CLCN7: variants seen among roughly 807,000 people sequenced by gnomAD.
CLCN7 encodes the protein H(+)/Cl(-) exchange transporter 7.
Under a neutral mutation model 102.1 loss-of-function variants are expected in CLCN7, and 60 were observed. The observed-to-expected ratio is 0.59, with a 90% CI of 0.48 to 0.73. CLCN7 has a LOEUF of 0.73. Among genes scored for constraint, CLCN7 ranks in the 30% least tolerant of loss-of-function variants. CLCN7 has a pLI of 0.00. For synonymous variants in CLCN7, 560 were observed against 490.5 expected (o/e 1.14, Z -1.87); for missense variants, 962 against 1,125.7 (o/e 0.85, Z 2.08).
intron 1 of CLCN7, among the ~76,000 whole-genome samples, chr16:1,471,156 G>C (rs1329805685): frequency 6.6e-6 from 1 of 152,138 alleles, no homozygotes; most frequent in Non-Finnish European, 1.5e-5. Context: ...TGAAGGGCCT[G>C]GGCTTTCAGC....
chr16:1,451,551 G>C, intron 16 of CLCN7, 72 bp downstream of exon 16: 1 of 1,340,312 alleles, frequency 7.5e-7, no homozygotes, highest in South Asian at 1.2e-5. Context: ...CAGCCCACAG[G>C]GGACACTCAG....
rs1424297529 is a variant in CLCN7 at position 1,474,985 on chromosome 16, G to A, written c.-11C>T. 6.8e-7 allele frequency: 1 copy of A among 1,472,522 alleles called. No homozygotes were observed. The highest frequency in any genetic ancestry group is 2.2e-5 in the Admixed American group (1 of 45,482). The allele number at this position is 1,472,522 out of a possible 1,614,324, so 91.2% of individuals were successfully genotyped here. ...AGAGACGTTGGCCATGGCCCGCCGC[G>A]GAGCGACACCGGCCGGGAAGCGCCG... On this transcript the variant is annotated 5_prime_UTR_variant, in exon 1 of 25. Coordinates refer to ENST00000382745, the MANE Select transcript of CLCN7 (RefSeq NM_001287.6).
At chr16:1,449,457 A>G in intron 17 of CLCN7, 130 bp from the exon 18 acceptor site, 3 of 805,326 alleles carry the variant, frequency 3.7e-6, no homozygotes, top group South Asian at 3.1e-5. Flanking sequence ...GGCCGCGTAC[A>G]TACACACAGA....
At chr16:1,455,294 C>G (rs1275040134) in intron 11 of CLCN7, 44 bp from the exon 12 acceptor site, 4 of 1,248,640 alleles carry the variant, frequency 3.2e-6, no homozygotes, top group Non-Finnish European at 4.7e-6. Context: ...AGCCACGCTC[C>G]CAGCCCAGGG....
intron 1 of CLCN7, chr16:1,474,100 T>C: frequency 2.2e-6 from 1 of 445,234 alleles, no homozygotes; most frequent in Admixed American, 2.5e-5. Flanking sequence ...AAAAAAAATA[T>C]TAAGACAATA....
intron 14 of CLCN7, among the ~76,000 whole-genome samples, 171 bp from the exon 15 acceptor site, chr16:1,453,064 G>A (rs1386115496): frequency 6.6e-6 from 1 of 152,318 alleles, no homozygotes; most frequent in East Asian, 1.9e-4. Context: ...CTGGAGTGCA[G>A]TGCTGCGATC....
At position 1,452,762 on chromosome 16, in the gene CLCN7, G is replaced by A. The variant is rs750628872; in HGVS notation, c.1346C>T (p.Pro449Leu). The A allele has an allele frequency of 6.2e-6, 10 of 1,600,118 alleles. No individual in the cohort carries two copies. The highest frequency in any genetic ancestry group is 2.2e-5 in the South Asian group (2 of 89,162). ...QPLQGGSMSY[P>L]LQLFCADGEY... The stretch of plus-strand genomic sequence containing the variant: ...CCGGGCCCAGCCTCCCACCTGCAGC[G>A]GGTAGGACATGGAGCCCCCCTGCAG... The change falls in exon 15 of 25, where the codon CCG (proline) becomes CTG (leucine). Residue 449 changes from proline (P) to leucine (L), a missense_variant. Physicochemically the swap from Pro to Leu is moderately conservative, Grantham distance 98. Coordinates refer to ENST00000382745, the MANE Select transcript of CLCN7 (RefSeq NM_001287.6).
rs942126224 is a variant in CLCN7, at chr16:1,472,181, C to T, written c.141+2653G>A. On this transcript the variant is annotated intron_variant, in intron 1 of 24. Coordinates refer to ENST00000382745, the MANE Select transcript of CLCN7 (RefSeq NM_001287.6). ...TTAAATTGCTTGTAAGCAGAGTATCCGCTGTTATTAAATGCAAACAAACAA... is the reference window on the plus strand; with the variant it reads ...TTAAATTGCTTGTAAGCAGAGTATCTGCTGTTATTAAATGCAAACAAACAA... Among the ~76,000 whole-genome samples, 8 of 152,326 alleles carry T rather than the reference C, an allele frequency of 5.3e-5. No homozygotes were observed. The South Asian group carries it at 8.3e-4, about 16-fold the overall frequency.
chr16:1,460,277 T>C, intron 6 of CLCN7, 141 bp downstream of exon 6: 2 of 693,606 alleles, frequency 2.9e-6, no homozygotes, highest in Middle Eastern at 3.6e-4. Flanking sequence ...GTTGTGAGTC[T>C]GGACCACGTG....
chr16:1,458,872 C>T (rs2038880549), intron 7 of CLCN7, among the ~76,000 whole-genome samples: 1 of 152,234 alleles, frequency 6.6e-6, no homozygotes, highest in African/African-American at 2.4e-5. Context: ...ACCACGCAAG[C>T]ATTTCTGTAT....
rs779726311 is a variant in CLCN7 at position 1,446,353 on chromosome 16, C to T, written c.*278G>A. The T allele has an allele frequency of 7.1e-6, 5 of 702,220 alleles. No homozygotes were observed. The highest frequency in any genetic ancestry group is 6.0e-5 in the Admixed American group (3 of 50,006). 43.5% of individuals were successfully genotyped at this position (702,220 alleles called of 1,614,324 possible). On this transcript the variant is annotated 3_prime_UTR_variant, in exon 25 of 25. Transcript: ENST00000382745. Reference sequence around the variant, plus strand: ...CCGATAGCCCGGTAGGGAGGTCACACACACACAGCTGATCCCTGGAGGTAA... The same window carrying T: ...CCGATAGCCCGGTAGGGAGGTCACATACACACAGCTGATCCCTGGAGGTAA...
intron 22 of CLCN7, 40 bp from the exon 23 acceptor site, chr16:1,447,608 A>G: frequency 6.4e-7 from 1 of 1,551,314 alleles, no homozygotes; most frequent in East Asian, 2.4e-5. Context: ...CCCAGGCAGC[A>G]CCCCCGGGGC....
rs530533159 is a variant in CLCN7, at chr16:1,452,523, G to A, written c.1353+232C>T. 4.7e-5 allele frequency: 27 copies of A among 574,484 alleles called. No individual in the cohort carries two copies. In the Middle Eastern group the frequency reaches 2.8e-3, roughly 60 times the overall value. The allele number at this position is 574,484 out of a possible 1,614,324, so 35.6% of individuals were successfully genotyped here. ...GGCTGCCATTCTGGGAAGAGGACTG[G>A]GGGGAGCCTCTGGCCCCCATACCAC... On this transcript the variant is annotated intron_variant, in intron 15 of 24. Coordinates refer to ENST00000382745, the MANE Select transcript of CLCN7 (RefSeq NM_001287.6).
chr16:1,471,869 T>A (rs1596231928), intron 1 of CLCN7: 1 of 152,302 alleles, frequency 6.6e-6, no homozygotes, highest in East Asian at 1.9e-4. Flanking sequence ...TAGCTTCCCA[T>A]GGGCTCCCCT....
At chr16:1,473,692 C>T (rs1596233139) in intron 1 of CLCN7, among the ~76,000 whole-genome samples, 1 of 151,950 alleles carries the variant, frequency 6.6e-6, no homozygotes, top group East Asian at 2.0e-4. Flanking sequence ...AATCTTTAAG[C>T]ACAAGACAAG....
chr16:1,447,263 T>C, intron 23 of CLCN7, 129 bp downstream of exon 23: 2 of 1,207,366 alleles, frequency 1.7e-6, no homozygotes, highest in Non-Finnish European at 2.3e-6. Context: ...GCCAGGCCCT[T>C]CACAGGAGAC....
intron 12 of CLCN7, 110 bp downstream of exon 12, chr16:1,455,024 A>G: frequency 1.3e-6 from 1 of 764,910 alleles, no homozygotes. Flanking sequence ...TCAGCTCCAC[A>G]GCTATCAACC....
chr16:1,464,629 T>C (rs575241832), intron 2 of CLCN7, among the ~76,000 whole-genome samples: 2 of 152,350 alleles, frequency 1.3e-5, no homozygotes, highest in South Asian at 2.1e-4. Flanking sequence ...CCTCAGCCTC[T>C]GACGTGGCCC....
Position 1,457,116 on chromosome 16 carries a change from G to T in CLCN7, c.822+138C>A, listed in dbSNP as rs2038846745. 3.7e-6 allele frequency: 3 copies of T among 817,946 alleles called. No homozygotes were observed. The highest frequency in any genetic ancestry group is 6.2e-6 in the Non-Finnish European group (3 of 481,970). The allele number at this position is 817,946 out of a possible 1,614,324, so 50.7% of individuals were successfully genotyped here. A position where few individuals can be genotyped will look rare whatever the true frequency, so the allele number is the denominator to read the frequency against. On this transcript the variant is annotated intron_variant, in intron 9 of 24. Coordinates refer to ENST00000382745, the MANE Select transcript of CLCN7 (RefSeq NM_001287.6). The surrounding 1 kb of genome is among the most constrained non-coding windows in gnomAD (Gnocchi z 5.4). Reference sequence around the variant, plus strand: ...GCAGGGACTGTGCCCGCTGGCTCTGGGAGCCACCCGCCAGGCTGTCCTCAG... The same window carrying T: ...GCAGGGACTGTGCCCGCTGGCTCTGTGAGCCACCCGCCAGGCTGTCCTCAG...
Sources: allele counts gnomAD v4.1 joint callset (sites outside exome capture counted in the v4.1 genomes callset), GRCh38; gene constraint gnomAD v4.1.1; non-coding constraint Gnocchi (gnomAD v3.1); transcripts MANE v1.5; gene names NCBI Gene and HGNC (gene_info 2026-07-23, HGNC 2026-07-21).